Variants in RASAL2 observed in about 807,000 individuals in gnomAD.
The protein encoded by RASAL2 is RAS protein activator like 2.
Under a neutral mutation model 128.9 loss-of-function variants are expected in RASAL2, and 58 were observed. The ratio of observed to expected loss-of-function variants is 0.45; its 90% confidence interval spans 0.36 to 0.56. RASAL2 has a LOEUF of 0.56. RASAL2 is among the 20% of genes least tolerant of loss of function. The probability of loss-of-function intolerance (pLI) is 0.00; values close to 1 mark genes in which losing one functional copy is unlikely to be tolerated. For missense variants in RASAL2, 1,360 were observed against 1,601.6 expected, an observed-to-expected ratio of 0.85 and a Z score of 2.57; for synonymous variants, 561 against 580.8, an observed-to-expected ratio of 0.97 and a Z score of 0.49.
intron 1 of RASAL2, among the ~76,000 whole-genome samples, chr1:178,170,453 C>T (rs1378489680): frequency 1.3e-5 from 2 of 151,576 alleles, no homozygotes. Context: ...AATATATAAT[C>T]AGACAAGGGA....
At chr1:178,416,155 C>A (rs1320537195) in intron 4 of RASAL2, among the ~76,000 whole-genome samples, 2 of 152,048 alleles carry the variant, frequency 1.3e-5, no homozygotes, top group Non-Finnish European at 1.5e-5. Flanking sequence ...CTGTTTATAA[C>A]CTTTCGTGAT....
chr1:178,354,128 A>C (rs1001851023), intron 3 of RASAL2, among the ~76,000 whole-genome samples: 1 of 151,920 alleles, frequency 6.6e-6, no homozygotes, highest in Non-Finnish European at 1.5e-5. Context: ...CAGAAATCCT[A>C]AAAAAAATAT....
At chr1:178,419,579 G>A (rs977963257) in intron 4 of RASAL2, among the ~76,000 whole-genome samples, 3 of 152,202 alleles carry the variant, frequency 2.0e-5, no homozygotes, top group South Asian at 2.1e-4. Flanking sequence ...ATGAGCTACC[G>A]TGTCTGACTG....
intron 1 of RASAL2, among the ~76,000 whole-genome samples, chr1:178,131,147 A>G (rs1660098469): frequency 1.3e-5 from 2 of 152,102 alleles, no homozygotes. Flanking sequence ...ATTCCAAATA[A>G]TTAGAGTAAA....
At chr1:178,369,822 TTAG>T (rs529153931) in intron 3 of RASAL2, among the ~76,000 whole-genome samples, 283 of 152,306 alleles carry the variant, frequency 1.9e-3, no homozygotes, top group African/African-American at 6.3e-3. Flanking sequence ...TTTTAAAAAC[TTAG>T]TAGAACAGAA....
rs866737184 is a variant in RASAL2 at position 178,260,405 on chromosome 1, T to A, written c.203-23159T>A. ...ATATATATATATATATATATATATA[T>A]ATATATATATGATAATAATTTTAGC... On this transcript the variant is annotated intron_variant, in intron 1 of 17. Transcript: ENST00000367649. Among the ~76,000 whole-genome samples, 178 of 86,648 alleles carry A rather than the reference T, an allele frequency of 2.1e-3. 11 individuals carry two copies. The highest frequency in any genetic ancestry group is 5.9e-3 in the African/African-American group (131 of 22,078). 56.8% of individuals were successfully genotyped at this position (86,648 alleles called of 152,430 possible).
chr1:178,215,163 A>G (rs1014743450), intron 1 of RASAL2, among the ~76,000 whole-genome samples: 1 of 152,230 alleles, frequency 6.6e-6, no homozygotes, highest in Non-Finnish European at 1.5e-5. Context: ...CAAGTGTGGC[A>G]GAGATGGATT....
At chr1:178,308,573 C>T (rs1474404889) in intron 3 of RASAL2, among the ~76,000 whole-genome samples, 2 of 141,378 alleles carry the variant, frequency 1.4e-5, no homozygotes, top group African/African-American at 2.7e-5. Flanking sequence ...CAGGGTCTCA[C>T]TCTGTTGCCC....
intron 1 of RASAL2, among the ~76,000 whole-genome samples, chr1:178,245,462 T>G (rs1664727909): frequency 6.6e-6 from 1 of 152,224 alleles, no homozygotes; most frequent in Non-Finnish European, 1.5e-5. Flanking sequence ...CCTTGTAGAT[T>G]CTGGGTATCA....
intron 1 of RASAL2, among the ~76,000 whole-genome samples, chr1:178,223,593 A>G (rs1462027506): frequency 6.6e-6 from 1 of 152,218 alleles, no homozygotes; most frequent in African/African-American, 2.4e-5. Context: ...CTTGATTGTA[A>G]GTGGGAAACC....
chr1:178,224,709 G>C (rs189951513), intron 1 of RASAL2, among the ~76,000 whole-genome samples: 125 of 152,192 alleles, frequency 8.2e-4, no homozygotes, highest in Non-Finnish European at 1.4e-3. Flanking sequence ...TAATACAAAA[G>C]AGCAAGTGGG....
At chr1:178,104,162 G>T (rs1659006558) in intron 1 of RASAL2, among the ~76,000 whole-genome samples, 1 of 152,012 alleles carries the variant, frequency 6.6e-6, no homozygotes, top group Non-Finnish European at 1.5e-5. Context: ...TTAAATATGA[G>T]ATATGGATCC....
At chr1:178,401,880 CT>C (rs1248065949) in intron 4 of RASAL2, among the ~76,000 whole-genome samples, 1 of 152,128 alleles carries the variant, frequency 6.6e-6, no homozygotes, top group Non-Finnish European at 1.5e-5. Flanking sequence ...CCGCGTCACC[CT>C]GTCTTTTTAA....
At chr1:178,208,214 G>A (rs901427628) in intron 1 of RASAL2, among the ~76,000 whole-genome samples, 1 of 152,134 alleles carries the variant, frequency 6.6e-6, no homozygotes, top group African/African-American at 2.4e-5. Flanking sequence ...CAACTGTAAG[G>A]TCTGACTGTC....
At chr1:178,128,210 T>C (rs143400374) in intron 1 of RASAL2, among the ~76,000 whole-genome samples, 2 of 152,214 alleles carry the variant, frequency 1.3e-5, no homozygotes, top group Non-Finnish European at 2.9e-5. Flanking sequence ...ATTCAAAAAA[T>C]TGATTCATAG....
At chr1:178,438,932 T>TGTGTGTGTGTGTGTG (rs1553233715) in intron 5 of RASAL2, among the ~76,000 whole-genome samples, 6 of 145,582 alleles carry the variant, frequency 4.1e-5, no homozygotes, top group South Asian at 2.2e-4. Flanking sequence ...TGTGTGTGTG[T>TGTGTGTGTGTGTGTG]TTTGCCAAAG....
chr1:178,293,749 G>A (rs1056014350), intron 2 of RASAL2, among the ~76,000 whole-genome samples: 1 of 152,192 alleles, frequency 6.6e-6, no homozygotes, highest in African/African-American at 2.4e-5. Context: ...TAAAGTACAA[G>A]CTGTTAACTT....
At chr1:178,157,500 A>G (rs1661123071) in intron 1 of RASAL2, among the ~76,000 whole-genome samples, 1 of 152,170 alleles carries the variant, frequency 6.6e-6, no homozygotes. Flanking sequence ...TGTAGGCTGT[A>G]GGAAGGAGAA....
chr1:178,359,160 T>G (rs1011282741), intron 3 of RASAL2, among the ~76,000 whole-genome samples: 7 of 152,236 alleles, frequency 4.6e-5, no homozygotes, highest in African/African-American at 1.7e-4. Context: ...TAATTCCAAC[T>G]GAAATGTCAA....
Sources: gnomAD v4.1 joint callset for allele counts (sites outside exome capture counted in the v4.1 genomes callset) on GRCh38, gnomAD v4.1.1 for gene constraint, MANE v1.5 for transcripts, NCBI Gene and HGNC (gene_info 2026-07-23, HGNC 2026-07-21) for gene names.